Variants in KLK13 observed in about 807,000 individuals in gnomAD.
KLK13 encodes kallikrein related peptidase 13.
KLK13 carries 19 observed loss-of-function variants against 22.4 expected under a neutral mutation model. The ratio of observed to expected loss-of-function variants is 0.85; its 90% CI spans 0.59 to 1.24. The LOEUF (loss-of-function observed/expected upper bound fraction) is 1.24. Among genes scored for constraint, KLK13 ranks in the 50% most tolerant of loss-of-function variants. The pLI, the probability that KLK13 is intolerant of heterozygous loss-of-function variation, is 0.00. For synonymous variants in KLK13, 156 were observed against 141.8 expected (o/e 1.10, Z -0.71); for missense variants, 311 against 347.9 (o/e 0.89, Z 0.84).
chr19:51,062,946 G>A (rs1267641269), intron 1 of KLK13, among the ~76,000 whole-genome samples: 1 of 152,118 alleles, frequency 6.6e-6, no homozygotes, highest in Non-Finnish European at 1.5e-5. Flanking sequence ...AGTTGTCGGT[G>A]AGCACAGGAT....
chr19:51,058,558 C>T lies in KLK13; in HGVS notation c.625G>A (p.Gly209Ser). The T allele has an allele frequency of 6.2e-7, 1 of 1,614,168 alleles. No homozygotes were observed. Among genetic ancestry groups the T allele is most frequent in the Non-Finnish European group, 8.5e-7 (1 of 1,180,038 alleles). The change falls in exon 4 of 5, where the codon GGT becomes AGT. Residue 209 changes from glycine to serine, a missense_variant. By Grantham distance (56) the Gly-to-Ser change is moderately conservative (BLOSUM62 0). Transcript: ENST00000595793. ...DNMLCAGTKE[G>S]GKDSCEGDSG... ...CTCACCTCACAGGAGTCTTTGCCAC[C>T]CTCTTTTGTGCCGGCACACAACATG...
chr19:51,064,856 C>A, intron 1 of KLK13, 160 bp downstream of exon 1: 1 of 653,454 alleles, frequency 1.5e-6, no homozygotes. Flanking sequence ...CCAGGTCACC[C>A]AGGGACAAGC....
chr19:51,063,833 C>T (rs936894138), intron 1 of KLK13: 1 of 465,418 alleles, frequency 2.1e-6, no homozygotes, highest in Non-Finnish European at 4.3e-6. Flanking sequence ...CATCTCTAGG[C>T]CCCTGGCTTG....
chr19:51,056,420 G>A lies in KLK13; in HGVS notation c.*167C>T. The A allele has an allele frequency of 1.4e-6, 1 of 733,436 alleles. No individual in the cohort carries two copies. Among genetic ancestry groups the A allele is most frequent in the East Asian group, 2.5e-5 (1 of 39,504 alleles). The allele number at this position is 733,436 out of a possible 1,614,324, so 45.4% of individuals were successfully genotyped here. On this transcript the variant is annotated 3_prime_UTR_variant, in exon 5 of 5. Coordinates refer to ENST00000595793, the MANE Select transcript of KLK13 (RefSeq NM_015596.3). ...CATCTGGGAGACTGCAAGCCTGGCA[G>A]TGCCTGAATGCTTCTGAAACATGGA... is the stretch of plus-strand genomic sequence containing the variant.
At chr19:51,057,038 GAC>G (rs2091682199) in intron 4 of KLK13, among the ~76,000 whole-genome samples, 1 of 152,118 alleles carries the variant, frequency 6.6e-6, no homozygotes, top group African/African-American at 2.4e-5. Flanking sequence ...GAGAAAGAGA[GAC>G]ACAGAGAAAT....
intron 1 of KLK13, chr19:51,064,538 C>T (rs375790299): frequency 1.2e-4 from 53 of 450,666 alleles, no homozygotes; most frequent in South Asian, 5.4e-4. Context: ...GTAATAACGG[C>T]TAAGTGGCTA....
chr19:51,058,161 T>G (rs2091692861), intron 4 of KLK13, among the ~76,000 whole-genome samples: 1 of 152,028 alleles, frequency 6.6e-6, no homozygotes, highest in Non-Finnish European at 1.5e-5. Context: ...AAGACAGAAT[T>G]CCAAACACAC....
Position 51,060,569 on chromosome 19 carries a change from A to G in KLK13, c.103T>C (p.Phe35Leu), listed in dbSNP as rs763871287. 6.2e-6 allele frequency: 10 copies of G among 1,613,594 alleles called. No individual in the cohort carries two copies. Among genetic ancestry groups the G allele is most frequent in the Non-Finnish European group, 7.6e-6 (9 of 1,179,770 alleles). The change falls in exon 2 of 5, where the codon TTT becomes CTT. Residue 35 changes from phenylalanine (F) to leucine (L), a missense_variant. Transcript: ENST00000595793. The part of the protein sequence containing the change: ...KVLNTNGTSG[F>L]LPGGYTCFPH... The stretch of plus-strand genomic sequence containing the variant: ...AAGCAGGTGTAGCCACCTGGGAGAA[A>G]CCCACTGGTCCCATTGGTGTTGAGA...
chr19:51,064,487 CAAAAAAAAA>C (rs35554667), intron 1 of KLK13: 10 of 154,726 alleles, frequency 6.5e-5, no homozygotes, highest in African/African-American at 2.2e-4. Context: ...GGTTCCATCT[CAAAAAAAAA>C]AAAAAAAAAA....
Position 51,056,274 on chromosome 19 carries a change from C to T in KLK13, c.*313G>A. ...GCTGATGGAAATATTTAAGAATGTG[C>T]CACAGACAGAACGTTCAGGTGGTGA... On this transcript the variant is annotated 3_prime_UTR_variant, in exon 5 of 5. Transcript: ENST00000595793. 1 of 329,414 alleles carries T rather than the reference C, an allele frequency of 3.0e-6. No individual in the cohort carries two copies. 20.4% of individuals were successfully genotyped at this position (329,414 alleles called of 1,614,324 possible).
chr19:51,056,583 A>G lies in KLK13; in HGVS notation c.*4T>C. On this transcript the variant is annotated 3_prime_UTR_variant, in exon 5 of 5. Coordinates refer to ENST00000595793, the MANE Select transcript of KLK13 (RefSeq NM_015596.3). ...AGGATGGAAGCCGGTACATTTCTCA[A>G]CTTTTATTGTGGGCCCTTCAACCAT... 6.2e-7 allele frequency: 1 copy of G among 1,613,944 alleles called. No homozygotes were observed. Among genetic ancestry groups the G allele is most frequent in the East Asian group, 2.2e-5 (1 of 44,882 alleles).
intron 1 of KLK13, chr19:51,063,621 G>A (rs1041989951): frequency 3.3e-5 from 15 of 456,476 alleles, no homozygotes; most frequent in South Asian, 1.5e-4. Context: ...AAGGCGTAGC[G>A]TGTGGGTCTC....
rs148481738 is a variant in KLK13 at position 51,058,667 on chromosome 19, G to A, written c.516C>T (p.Tyr172=). 3.7e-6 allele frequency: 6 copies of A among 1,614,166 alleles called. No homozygotes were observed. The African/African-American group carries it at 4.0e-5, about 11-fold the overall frequency. The change falls in exon 4 of 5, where the codon TAC becomes TAT. Residue 172 remains tyrosine (Y), a synonymous_variant. Coordinates refer to ENST00000595793, the MANE Select transcript of KLK13 (RefSeq NM_015596.3). Reference sequence around the variant, plus strand: ...TGTTGGCACATTGTAGAGTTTTGGGGTAATTCACTGGGGAGAAGAAAGAGA... The same window carrying A: ...TGTTGGCACATTGTAGAGTTTTGGGATAATTCACTGGGGAGAAGAAAGAGA... ...WGTTTSPQVN[Y]PKTLQCANIQ...
chr19:51,058,521 C>G lies in KLK13; in HGVS notation c.645+17G>C, dbSNP rs2091695903. The G allele has an allele frequency of 6.2e-7, 1 of 1,613,848 alleles. No homozygotes were observed. The highest frequency in any genetic ancestry group is 1.3e-5 in the African/African-American group (1 of 74,910). On this transcript the variant is annotated intron_variant, in intron 4 of 4. Coordinates refer to ENST00000595793, the MANE Select transcript of KLK13 (RefSeq NM_015596.3). The stretch of plus-strand genomic sequence containing the variant: ...TTTCTATCCTGTCCAAGGCACCCAC[C>G]AGCCTCCCGGCCTCACCTCACAGGA...
At chr19:51,064,922 A>G in intron 1 of KLK13, 94 bp downstream of exon 1, 2 of 1,009,972 alleles carry the variant, frequency 2.0e-6, no homozygotes, top group Non-Finnish European at 2.9e-6. Context: ...CGGGGGGCGG[A>G]GCTCGCGGCT....
intron 4 of KLK13, 87 bp downstream of exon 4, chr19:51,058,448 GGCT>G (rs1947407783): frequency 2.7e-6 from 4 of 1,498,890 alleles, no homozygotes; most frequent in Non-Finnish European, 3.7e-6. Flanking sequence ...GTTCCCCTAA[GGCT>G]GGAAACAAAG....
rs1008775959 is a variant in KLK13, at chr19:51,056,481, A to G, written c.*106T>C. 6 of 1,169,102 alleles carry G rather than the reference A, an allele frequency of 5.1e-6. No individual in the cohort carries two copies. The African/African-American group carries it at 7.6e-5, about 15-fold the overall frequency. The allele number at this position is 1,169,102 out of a possible 1,614,324, so 72.4% of individuals were successfully genotyped here. The stretch of plus-strand genomic sequence containing the variant: ...AGATTGAGCATTTTTCAGGACATGG[A>G]TCACTGGTTCAAATGGAACACTGGG... On this transcript the variant is annotated 3_prime_UTR_variant, in exon 5 of 5. Transcript: ENST00000595793.
At chr19:51,062,553 T>C (rs567114768) in intron 1 of KLK13, among the ~76,000 whole-genome samples, 1 of 152,262 alleles carries the variant, frequency 6.6e-6, no homozygotes, top group East Asian at 1.9e-4. Flanking sequence ...CAATGGGGGC[T>C]CAATAAATAA....
At chr19:51,063,705 C>T (rs1455683336) in intron 1 of KLK13, 1 of 456,688 alleles carries the variant, frequency 2.2e-6, no homozygotes, top group East Asian at 7.0e-5. Context: ...GAAAAGCCAC[C>T]CCACCTTCAG....
Sources: allele counts gnomAD v4.1 joint callset (sites outside exome capture counted in the v4.1 genomes callset), GRCh38; gene constraint gnomAD v4.1.1; transcripts MANE v1.5; gene names NCBI Gene and HGNC (gene_info 2026-07-23, HGNC 2026-07-21).